Variants in INSM1 observed in about 807,000 individuals in gnomAD.
The protein encoded by INSM1 is INSM transcriptional repressor 1.
A neutral mutation model predicts 21.1 loss-of-function variants in INSM1; 11 were observed. The observed-to-expected ratio is 0.52, with a 90% CI of 0.33 to 0.86. The LOEUF (loss-of-function observed/expected upper bound fraction) is 0.86, where lower values mean the gene tolerates loss of function less well. INSM1 is among the 40% of genes least tolerant of loss of function. The pLI is 0.03. For missense variants in INSM1, 843 were observed against 760.1 expected (o/e 1.11, Z -1.28); for synonymous variants, 473 against 386.1 (o/e 1.23, Z -2.64).
rs1307646694 is a variant in INSM1, at chr20:20,368,507, G to A, written c.240G>A (p.Pro80=). ...GCGCGCCTGGGCCGCAGCCACCCCC[G>A]CAGGGCCCGCGGGCCGCGCACTTCG... ...LACAPGPQPP[P]QGPRAAHFGN... is the part of the protein sequence containing the mutation. The change falls in exon 1 of 1, where the codon CCG becomes CCA. Residue 80 remains proline, a synonymous_variant. Coordinates refer to ENST00000310227, the MANE Select transcript of INSM1 (RefSeq NM_002196.3). This position sits in a 1 kb window ranked among gnomAD's most constrained non-coding sequence, Gnocchi z 4.3. 3.3e-6 allele frequency: 4 copies of A among 1,213,454 alleles called. No individual in the cohort carries two copies. The highest frequency in any genetic ancestry group is 2.6e-5 in the South Asian group (1 of 39,138). The allele number at this position is 1,213,454 out of a possible 1,614,324, so 75.2% of individuals were successfully genotyped here.
In INSM1 at chr20:20,368,974, C is replaced by T. The variant is rs1202000184; in HGVS notation, c.707C>T (p.Thr236Ile). Residue 236 changes from threonine (T) to isoleucine (I), a missense_variant, in exon 1 of 1, where the codon ACC (threonine) becomes ATC (isoleucine). Thr to Ile is a moderately conservative substitution (Grantham distance 89). Coordinates refer to ENST00000310227, the MANE Select transcript of INSM1 (RefSeq NM_002196.3). This position sits in a 1 kb window ranked among gnomAD's most constrained non-coding sequence, Gnocchi z 4.3. ...IRKLHFEDEV[T>I]TSPVLGLKIK... ...AAGCTGCACTTCGAGGACGAGGTGACCACGTCGCCCGTGCTGGGGCTCAAG... is the reference window on the plus strand; with the variant it reads ...AAGCTGCACTTCGAGGACGAGGTGATCACGTCGCCCGTGCTGGGGCTCAAG... 6.4e-7 allele frequency: 1 copy of T among 1,552,850 alleles called. No homozygotes were observed. The highest frequency in any genetic ancestry group is 8.7e-7 in the Non-Finnish European group (1 of 1,152,458).
Position 20,369,717 on chromosome 20 carries a change from C to T in INSM1, c.1450C>T (p.Leu484Phe), listed in dbSNP as rs1045559588. Residue 484 changes from leucine to phenylalanine, a missense_variant, in exon 1 of 1, where the codon CTT becomes TTT. Coordinates refer to ENST00000310227, the MANE Select transcript of INSM1 (RefSeq NM_002196.3). This position sits in a 1 kb window ranked among gnomAD's most constrained non-coding sequence, Gnocchi z 5.6. The part of the protein sequence containing the change: ...CPATFYSSPG[L>F]TRHINKCHPS... ...GGCCACCTTCTACAGCTCGCCCGGC[C>T]TTACGCGGCACATCAACAAGTGCCA... is the stretch of plus-strand genomic sequence containing the variant. 1 of 1,601,648 alleles carries T rather than the reference C, an allele frequency of 6.2e-7. No individual in the cohort carries two copies. Among genetic ancestry groups the T allele is most frequent in the African/African-American group, 1.3e-5 (1 of 75,036 alleles).
In INSM1 at chr20:20,368,350, G is replaced by A; in HGVS notation, c.83G>A (p.Arg28His). The A allele has an allele frequency of 1.6e-6, 2 of 1,238,062 alleles. No homozygotes were observed. The highest frequency in any genetic ancestry group is 2.1e-6 in the Non-Finnish European group (2 of 972,672). The allele number at this position is 1,238,062 out of a possible 1,614,324, so 76.7% of individuals were successfully genotyped here. ...YRVRGGEDGDRALLLSPSCGG... is the reference protein window; with the variant it reads ...YRVRGGEDGDHALLLSPSCGG... Reference sequence around the variant, plus strand: ...GTCCGCGGCGGCGAGGACGGCGACCGCGCACTGCTGCTCTCGCCCAGCTGC... The same window carrying A: ...GTCCGCGGCGGCGAGGACGGCGACCACGCACTGCTGCTCTCGCCCAGCTGC... The change falls in exon 1 of 1, where the codon CGC (arginine) becomes CAC (histidine). Residue 28 changes from arginine (R) to histidine (H), a missense_variant. By Grantham distance (29) the Arg-to-His change is conservative. Coordinates refer to ENST00000310227, the MANE Select transcript of INSM1 (RefSeq NM_002196.3). The surrounding 1 kb of genome is among the most constrained non-coding windows in gnomAD (Gnocchi z 4.3).
At position 20,369,234 on chromosome 20, in the gene INSM1, C is replaced by A; in HGVS notation, c.967C>A (p.Pro323Thr). Residue 323 changes from proline (P) to threonine (T), a missense_variant, in exon 1 of 1, where the codon CCC (proline) becomes ACC (threonine). By Grantham distance (38) the Pro-to-Thr change is conservative (BLOSUM62 -1). Coordinates refer to ENST00000310227, the MANE Select transcript of INSM1 (RefSeq NM_002196.3). This position sits in a 1 kb window ranked among gnomAD's most constrained non-coding sequence, Gnocchi z 5.6. ...CCGCTGGCACAAACCGCGGCCCGCG[C>A]CCGCCGCCGCCCGCGCGCCGGAGCC... ...HRRWHKPRPA[P>T]AAARAPEPEA... The A allele has an allele frequency of 6.9e-7, 1 of 1,449,630 alleles. No homozygotes were observed. 89.8% of individuals were successfully genotyped at this position (1,449,630 alleles called of 1,614,324 possible). A position where few individuals can be genotyped will look rare whatever the true frequency, so the allele number is the denominator to read the frequency against.
Position 20,369,581 on chromosome 20 carries a change from C to T in INSM1, c.1314C>T (p.Ala438=), listed in dbSNP as rs1485849381. 3.1e-6 allele frequency: 5 copies of T among 1,598,580 alleles called. No homozygotes were observed. In the Admixed American group the frequency reaches 5.0e-5, roughly 16 times the overall value. Residue 438 remains alanine, a synonymous_variant, in exon 1 of 1, where the codon GCC becomes GCT. Transcript: ENST00000310227. This position sits in a 1 kb window ranked among gnomAD's most constrained non-coding sequence, Gnocchi z 5.6. Reference sequence around the variant, plus strand: ...GCGTGCTGGGCCTGAGTGCGTCCGCCGAGTGCCACCTGTGCCCAGTGTGCG... The same window carrying T: ...GCGTGCTGGGCCTGAGTGCGTCCGCTGAGTGCCACCTGTGCCCAGTGTGCG... ...GAGVLGLSAS[A]ECHLCPVCGE...
chr20:20,370,608 TATG>T lies in INSM1; in HGVS notation c.*811_*813del, dbSNP rs1422511583. ...ATTTATTTATATTAATTATGAAGAT[TATG>T]ATATTATTTGATTGCAGATTTTTTT... On this transcript the variant is annotated 3_prime_UTR_variant, in exon 1 of 1. Transcript: ENST00000310227. The T allele has an allele frequency of 1.2e-5, 2 of 167,060 alleles. No homozygotes were observed. The highest frequency in any genetic ancestry group is 2.9e-5 in the Non-Finnish European group (2 of 68,128). The allele number at this position is 167,060 out of a possible 1,614,324, so 10.3% of individuals were successfully genotyped here. A position where few individuals can be genotyped will look rare whatever the true frequency, so the allele number is the denominator to read the frequency against.
chr20:20,368,339 G>T lies in INSM1; in HGVS notation c.72G>T (p.Glu24Asp). ...TTTCCTACCGGGTCCGCGGCGGCGAGGACGGCGACCGCGCACTGCTGCTCT... is the reference window on the plus strand; with the variant it reads ...TTTCCTACCGGGTCCGCGGCGGCGATGACGGCGACCGCGCACTGCTGCTCT... ...TPVSYRVRGG[E>D]DGDRALLLSP... Residue 24 changes from glutamate (E) to aspartate (D), a missense_variant, in exon 1 of 1, where the codon GAG becomes GAT. Coordinates refer to ENST00000310227, the MANE Select transcript of INSM1 (RefSeq NM_002196.3). This position sits in a 1 kb window ranked among gnomAD's most constrained non-coding sequence, Gnocchi z 4.3. 7.8e-7 allele frequency: 1 copy of T among 1,275,418 alleles called. No individual in the cohort carries two copies. The highest frequency in any genetic ancestry group is 1.0e-6 in the Non-Finnish European group (1 of 993,262). The allele number at this position is 1,275,418 out of a possible 1,614,324, so 79.0% of individuals were successfully genotyped here.
At position 20,368,960 on chromosome 20, in the gene INSM1, C is replaced by A; in HGVS notation, c.693C>A (p.Phe231Leu). The stretch of plus-strand genomic sequence containing the variant: ...CCAAGGCCATCCGCAAGCTGCACTT[C>A]GAGGACGAGGTGACCACGTCGCCCG... ...KKPKAIRKLH[F>L]EDEVTTSPVL... Residue 231 changes from phenylalanine to leucine, a missense_variant, in exon 1 of 1, where the codon TTC becomes TTA. Physicochemically the swap from Phe to Leu is conservative, Grantham distance 22. Coordinates refer to ENST00000310227, the MANE Select transcript of INSM1 (RefSeq NM_002196.3). The surrounding 1 kb of genome is among the most constrained non-coding windows in gnomAD (Gnocchi z 4.3). 1 of 1,555,946 alleles carries A rather than the reference C, an allele frequency of 6.4e-7. No homozygotes were observed. The highest frequency in any genetic ancestry group is 8.7e-7 in the Non-Finnish European group (1 of 1,154,274).
rs950830346 is a variant in INSM1 at position 20,368,349 on chromosome 20, C to A, written c.82C>A (p.Arg28Ser). ...GGTCCGCGGCGGCGAGGACGGCGAC[C>A]GCGCACTGCTGCTCTCGCCCAGCTG... Reference protein sequence around the residue: ...YRVRGGEDGDRALLLSPSCGG... With the variant: ...YRVRGGEDGDSALLLSPSCGG... Residue 28 changes from arginine (R) to serine (S), a missense_variant, in exon 1 of 1, where the codon CGC becomes AGC. Physicochemically the swap from Arg to Ser is moderately radical, Grantham distance 110. Coordinates refer to ENST00000310227, the MANE Select transcript of INSM1 (RefSeq NM_002196.3). This position sits in a 1 kb window ranked among gnomAD's most constrained non-coding sequence, Gnocchi z 4.3. 8.8e-6 allele frequency: 11 copies of A among 1,245,758 alleles called. No individual in the cohort carries two copies. Among genetic ancestry groups the A allele is most frequent in the African/African-American group, 6.4e-5 (4 of 62,494 alleles). The allele number at this position is 1,245,758 out of a possible 1,614,324, so 77.2% of individuals were successfully genotyped here. A position where few individuals can be genotyped will look rare whatever the true frequency, so the allele number is the denominator to read the frequency against.
In INSM1 at chr20:20,368,413, T is replaced by C; in HGVS notation, c.146T>C (p.Val49Ala). The C allele has an allele frequency of 1.0e-6, 1 of 992,618 alleles. No individual in the cohort carries two copies. The allele number at this position is 992,618 out of a possible 1,614,324, so 61.5% of individuals were successfully genotyped here. A position where few individuals can be genotyped will look rare whatever the true frequency, so the allele number is the denominator to read the frequency against. ...ARAEPPAPSP[V>A]PGPLPPPPPA... ...GCCGAGCCCCCGGCGCCGAGCCCGG[T>C]CCCCGGGCCGCTGCCGCCGCCGCCG... Residue 49 changes from valine (V) to alanine (A), a missense_variant, in exon 1 of 1, where the codon GTC (valine) becomes GCC (alanine). By Grantham distance (64) the Val-to-Ala change is moderately conservative. Transcript: ENST00000310227. This position sits in a 1 kb window ranked among gnomAD's most constrained non-coding sequence, Gnocchi z 4.3.
At position 20,368,534 on chromosome 20, in the gene INSM1, C is replaced by G; in HGVS notation, c.267C>G (p.Gly89=). 1 of 1,316,718 alleles carries G rather than the reference C, an allele frequency of 7.6e-7. No homozygotes were observed. The highest frequency in any genetic ancestry group is 1.8e-5 in the South Asian group (1 of 55,938). 81.6% of individuals were successfully genotyped at this position (1,316,718 alleles called of 1,614,324 possible). ...PPQGPRAAHF[G]NPEAAHPAPL... is the part of the protein sequence containing the mutation. ...AGGGCCCGCGGGCCGCGCACTTCGG[C>G]AACCCCGAGGCTGCGCACCCCGCGC... The change falls in exon 1 of 1, where the codon GGC becomes GGG. Residue 89 remains glycine, a synonymous_variant. Transcript: ENST00000310227. This position sits in a 1 kb window ranked among gnomAD's most constrained non-coding sequence, Gnocchi z 4.3.
In INSM1 at chr20:20,368,837, C is replaced by G. The variant is rs757289684; in HGVS notation, c.570C>G (p.Pro190=). Residue 190 remains proline, a synonymous_variant, in exon 1 of 1, where the codon CCC becomes CCG. Transcript: ENST00000310227. This position sits in a 1 kb window ranked among gnomAD's most constrained non-coding sequence, Gnocchi z 4.3. ...GCCCGGGCCCCGGCCCCCCACTGCC[C>G]CCTGCCGCCGCCCTGCGGCCCCCGG... ...ARGPGPGPPL[P]PAAALRPPGK... The G allele has an allele frequency of 2.4e-6, 3 of 1,262,638 alleles. No homozygotes were observed. The highest frequency in any genetic ancestry group is 3.0e-6 in the Non-Finnish European group (3 of 995,100). The allele number at this position is 1,262,638 out of a possible 1,614,324, so 78.2% of individuals were successfully genotyped here.
rs778774414 is a variant in INSM1 at position 20,369,403 on chromosome 20, A to C, written c.1136A>C (p.Gln379Pro). The change falls in exon 1 of 1, where the codon CAG (glutamine) becomes CCG (proline). Residue 379 changes from glutamine (Q) to proline (P), a missense_variant. Gln to Pro is a moderately conservative substitution (Grantham distance 76). Transcript: ENST00000310227. This position sits in a 1 kb window ranked among gnomAD's most constrained non-coding sequence, Gnocchi z 5.6. ...CACTGCGCCAAGAAGTTCCGCCGCC[A>C]GGCCTACCTACGCAAGCACCTGCTG... is the stretch of plus-strand genomic sequence containing the variant. ...CHHCAKKFRRQAYLRKHLLAH... is the reference protein window; with the variant it reads ...CHHCAKKFRRPAYLRKHLLAH... 6 of 1,553,978 alleles carry C rather than the reference A, an allele frequency of 3.9e-6. No individual in the cohort carries two copies. Among genetic ancestry groups the C allele is most frequent in the Non-Finnish European group, 5.2e-6 (6 of 1,161,432 alleles).
rs764512321 is a variant in INSM1, at chr20:20,369,367, A to C, written c.1100A>C (p.Tyr367Ser). 2 of 1,538,226 alleles carry C rather than the reference A, an allele frequency of 1.3e-6. No individual in the cohort carries two copies. Among genetic ancestry groups the C allele is most frequent in the South Asian group, 2.4e-5 (2 of 83,660 alleles). ...GAGTCGGGCTCCGAGGACGGGCTCT[A>C]CGAGTGCCATCACTGCGCCAAGAAG... ...VSESGSEDGL[Y>S]ECHHCAKKFR... The change falls in exon 1 of 1, where the codon TAC becomes TCC. Residue 367 changes from tyrosine to serine, a missense_variant. Tyr to Ser is a moderately radical substitution (Grantham distance 144, BLOSUM62 -2). Coordinates refer to ENST00000310227, the MANE Select transcript of INSM1 (RefSeq NM_002196.3). The surrounding 1 kb of genome is among the most constrained non-coding windows in gnomAD (Gnocchi z 5.6).
rs756567778 is a variant in INSM1, at chr20:20,368,876, G to T, written c.609G>T (p.Pro203=). The T allele has an allele frequency of 6.3e-6, 9 of 1,426,186 alleles. No homozygotes were observed. The South Asian group carries it at 9.7e-5, about 15-fold the overall frequency. The allele number at this position is 1,426,186 out of a possible 1,614,324, so 88.3% of individuals were successfully genotyped here. A position where few individuals can be genotyped will look rare whatever the true frequency, so the allele number is the denominator to read the frequency against. ...TGCGGCCCCCGGGAAAGCGGCCCCC[G>T]CCCCCTACCGCCGCGGAGCCGCCCG... ...AALRPPGKRP[P]PPTAAEPPAK... Residue 203 remains proline, a synonymous_variant, in exon 1 of 1, where the codon CCG becomes CCT. Transcript: ENST00000310227. The surrounding 1 kb of genome is among the most constrained non-coding windows in gnomAD (Gnocchi z 4.3).
rs943361557 is a variant in INSM1 at position 20,368,149 on chromosome 20, G to C, written c.-119G>C. 1.3e-6 allele frequency: 1 copy of C among 744,274 alleles called. No individual in the cohort carries two copies. The highest frequency in any genetic ancestry group is 6.2e-5 in the South Asian group (1 of 16,206). The allele number at this position is 744,274 out of a possible 1,614,324, so 46.1% of individuals were successfully genotyped here. ...CGCAGAGCTGGGCCGAGCCGTCGCCGGCGCCACGCGAGTCCCGCAGCCGCC... is the reference window on the plus strand; with the variant it reads ...CGCAGAGCTGGGCCGAGCCGTCGCCCGCGCCACGCGAGTCCCGCAGCCGCC... On this transcript the variant is annotated 5_prime_UTR_variant, in exon 1 of 1. Coordinates refer to ENST00000310227, the MANE Select transcript of INSM1 (RefSeq NM_002196.3). The surrounding 1 kb of genome is among the most constrained non-coding windows in gnomAD (Gnocchi z 4.3).
rs1602218268 is a variant in INSM1, at chr20:20,369,947, C to T, written c.*147C>T. 1.4e-6 allele frequency: 1 copy of T among 691,852 alleles called. No homozygotes were observed. Among genetic ancestry groups the T allele is most frequent in the East Asian group, 2.9e-5 (1 of 34,960 alleles). The allele number at this position is 691,852 out of a possible 1,614,324, so 42.9% of individuals were successfully genotyped here. On this transcript the variant is annotated 3_prime_UTR_variant, in exon 1 of 1. Transcript: ENST00000310227. The surrounding 1 kb of genome is among the most constrained non-coding windows in gnomAD (Gnocchi z 5.6). ...GTGAAAGTGTCGTCTCCGCTTCTCTCGGTGTGGCGTGACGGTAACCCCATA... is the reference window on the plus strand; with the variant it reads ...GTGAAAGTGTCGTCTCCGCTTCTCTTGGTGTGGCGTGACGGTAACCCCATA...
rs1602217032 is a variant in INSM1, at chr20:20,368,811, G to A, written c.544G>A (p.Gly182Ser). Residue 182 changes from glycine to serine, a missense_variant, in exon 1 of 1, where the codon GGC becomes AGC. Physicochemically the swap from Gly to Ser is moderately conservative, Grantham distance 56. Coordinates refer to ENST00000310227, the MANE Select transcript of INSM1 (RefSeq NM_002196.3). This position sits in a 1 kb window ranked among gnomAD's most constrained non-coding sequence, Gnocchi z 4.3. Reference protein sequence around the residue: ...AFSAGAEAARGPGPGPPLPPA... With the variant: ...AFSAGAEAARSPGPGPPLPPA... ...CTCGGCTGGCGCCGAGGCGGCCCGC[G>A]GCCCGGGCCCCGGCCCCCCACTGCC... 9.1e-7 allele frequency: 1 copy of A among 1,103,464 alleles called. No individual in the cohort carries two copies. The highest frequency in any genetic ancestry group is 4.4e-5 in the South Asian group (1 of 22,558). 68.4% of individuals were successfully genotyped at this position (1,103,464 alleles called of 1,614,324 possible).
rs1360251117 is a variant in INSM1 at position 20,368,927 on chromosome 20, C to T, written c.660C>T (p.Ala220=). 3.0e-5 allele frequency: 45 copies of T among 1,524,100 alleles called. No homozygotes were observed. Among genetic ancestry groups the T allele is most frequent in the Non-Finnish European group, 3.9e-5 (44 of 1,139,540 alleles). The allele number at this position is 1,524,100 out of a possible 1,614,324, so 94.4% of individuals were successfully genotyped here. ...CCAAGGCAGTCAAGGCCCCGGGCGC[C>T]AAGAAGCCCAAGGCCATCCGCAAGC... The part of the protein sequence containing the change: ...PPAKAVKAPG[A]KKPKAIRKLH... The change falls in exon 1 of 1, where the codon GCC becomes GCT. Residue 220 remains alanine, a synonymous_variant. Transcript: ENST00000310227. This position sits in a 1 kb window ranked among gnomAD's most constrained non-coding sequence, Gnocchi z 4.3.
Sources: allele counts gnomAD v4.1 joint callset, GRCh38; gene constraint gnomAD v4.1.1; non-coding constraint Gnocchi (gnomAD v3.1); transcripts MANE v1.5; gene names NCBI Gene and HGNC (gene_info 2026-07-23, HGNC 2026-07-21).